Variants in RSBN1 observed in about 807,000 individuals in gnomAD.
RSBN1 encodes the protein round spermatid basic protein 1.
RSBN1 carries 23 observed loss-of-function variants against 74.8 expected under a neutral mutation model. That is an observed-to-expected ratio of 0.31 (90% CI 0.22 to 0.44). The LOEUF is 0.44. Among genes scored for constraint, RSBN1 ranks in the 20% least tolerant of loss-of-function variants. The probability of loss-of-function intolerance (pLI) is 1.00; values close to 1 mark genes in which losing one functional copy is unlikely to be tolerated. For synonymous variants in RSBN1, 407 were observed against 379.6 expected, an observed-to-expected ratio of 1.07 and a Z score of -0.84; for missense variants, 808 against 1,020.9, an observed-to-expected ratio of 0.79 and a Z score of 2.84.
Position 113,807,802 on chromosome 1 carries a change from C to T in RSBN1, c.703+3908G>A, listed in dbSNP as rs201210096. ...ATATATATATATATGTATATGTATA[C>T]ACACACACACACACACACACACACA... On this transcript the variant is annotated intron_variant, in intron 1 of 6. Coordinates refer to ENST00000261441, the MANE Select transcript of RSBN1 (RefSeq NM_018364.5). Among the ~76,000 whole-genome samples the T allele has an allele frequency of 1.6e-3, 99 of 62,042 alleles. 4 individuals are homozygous for T. In the South Asian group the frequency reaches 0.07, roughly 44 times the overall value. 40.7% of individuals were successfully genotyped at this position (62,042 alleles called of 152,430 possible).
chr1:113,766,531 C>G, intron 6 of RSBN1, 78 bp from the exon 7 acceptor site: 5 of 887,166 alleles, frequency 5.6e-6, no homozygotes, highest in Non-Finnish European at 8.6e-6. Flanking sequence ...CAAAGGAAAA[C>G]AGTAGAAACA....
At position 113,762,550 on chromosome 1, in the gene RSBN1, A is replaced by G; in HGVS notation, c.*3430T>C. On this transcript the variant is annotated 3_prime_UTR_variant, in exon 7 of 7. Transcript: ENST00000261441. ...TTTTTTAAAAACCTGTAGCAATGATAAAACAGATTAGAAAGATACAAAATT... is the reference window on the plus strand; with the variant it reads ...TTTTTTAAAAACCTGTAGCAATGATGAAACAGATTAGAAAGATACAAAATT... 6.5e-6 allele frequency: 1 copy of G among 152,792 alleles called. No homozygotes were observed. The highest frequency in any genetic ancestry group is 2.1e-4 in the South Asian group (1 of 4,836). The allele number at this position is 152,792 out of a possible 1,614,324, so 9.5% of individuals were successfully genotyped here.
At chr1:113,797,287 T>A in intron 2 of RSBN1, 76 bp downstream of exon 2, 1 of 1,144,912 alleles carries the variant, frequency 8.7e-7, no homozygotes, top group South Asian at 1.5e-5. Flanking sequence ...TGTGCTGGTA[T>A]GTGCTGTGCG....
Position 113,812,361 on chromosome 1 carries a change from G to GTC in RSBN1, c.50_51dup (p.Leu18AspfsTer42). 6.2e-7 allele frequency: 1 copy of GTC among 1,603,340 alleles called. No individual in the cohort carries two copies. Among genetic ancestry groups the GTC allele is most frequent in the Non-Finnish European group, 8.5e-7 (1 of 1,179,420 alleles). On this transcript the variant is annotated frameshift_variant, in exon 1 of 7. Coordinates refer to ENST00000261441, the MANE Select transcript of RSBN1 (RefSeq NM_018364.5). LOFTEE classifies it high-confidence loss of function. ...CGCGCACTGCCCGCTGGGCATTGGAGTCTCTCCTCCGCCCTCCACTTGTCG... is the reference window on the plus strand; with the variant it reads ...CGCGCACTGCCCGCTGGGCATTGGAGTCTCTCTCCTCCGCCCTCCACTTGTCG...
At chr1:113,797,197 T>A (rs1185699255) in intron 2 of RSBN1, among the ~76,000 whole-genome samples, 166 bp downstream of exon 2, 1 of 152,118 alleles carries the variant, frequency 6.6e-6, no homozygotes, top group African/African-American at 2.4e-5. Flanking sequence ...CCACCCGAAC[T>A]CAGTAATTAA....
At chr1:113,768,500 T>A in intron 4 of RSBN1, 111 bp from the exon 5 acceptor site, 1 of 690,966 alleles carries the variant, frequency 1.4e-6, no homozygotes. Context: ...CAGATTTAAA[T>A]AAGATGAGGA....
At position 113,812,218 on chromosome 1, in the gene RSBN1, C is replaced by T; in HGVS notation, c.195G>A (p.Gln65=). Reference sequence around the variant, plus strand: ...CCTTCCCCTCTTTGTCCGGCTCCTCCTGCGCCGCCACCGCCCGTACTACGC... The same window carrying T: ...CCTTCCCCTCTTTGTCCGGCTCCTCTTGCGCCGCCACCGCCCGTACTACGC... ...AVRVVRAVAA[Q]EEPDKEGKEK... The change falls in exon 1 of 7, where the codon CAG becomes CAA. Residue 65 remains glutamine (Q), a synonymous_variant. Transcript: ENST00000261441. 1.9e-6 allele frequency: 3 copies of T among 1,607,378 alleles called. No individual in the cohort carries two copies. Among genetic ancestry groups the T allele is most frequent in the Non-Finnish European group, 2.5e-6 (3 of 1,179,890 alleles).
At chr1:113,778,182 T>C (rs1017374690) in intron 2 of RSBN1, among the ~76,000 whole-genome samples, 1 of 152,054 alleles carries the variant, frequency 6.6e-6, no homozygotes, top group Non-Finnish European at 1.5e-5. Flanking sequence ...AAAAAGACCA[T>C]AGTCATATTA....
chr1:113,811,768 G>A lies in RSBN1; in HGVS notation c.645C>T (p.Asp215=). The change falls in exon 1 of 7, where the codon GAC becomes GAT. Residue 215 remains aspartate (D), a synonymous_variant. Coordinates refer to ENST00000261441, the MANE Select transcript of RSBN1 (RefSeq NM_018364.5). The part of the protein sequence containing the change: ...SSCGTDLKHK[D]KQENGERTGG... Reference sequence around the variant, plus strand: ...CAGTCCTCTCGCCGTTTTCCTGCTTGTCCTTGTGCTTGAGATCGGTTCCGC... The same window carrying A: ...CAGTCCTCTCGCCGTTTTCCTGCTTATCCTTGTGCTTGAGATCGGTTCCGC... 1 of 1,613,594 alleles carries A rather than the reference G, an allele frequency of 6.2e-7. No homozygotes were observed. Among genetic ancestry groups the A allele is most frequent in the East Asian group, 2.2e-5 (1 of 44,796 alleles).
intron 1 of RSBN1, among the ~76,000 whole-genome samples, chr1:113,804,796 G>A (rs1350676813): frequency 1.3e-5 from 2 of 151,610 alleles, no homozygotes; most frequent in African/African-American, 4.9e-5. Context: ...TCAAAAAGAA[G>A]TGTTTCTGGA....
At chr1:113,781,347 C>T (rs1005015762) in intron 2 of RSBN1, among the ~76,000 whole-genome samples, 7 of 152,168 alleles carry the variant, frequency 4.6e-5, no homozygotes, top group African/African-American at 1.4e-4. Flanking sequence ...CATACCACTC[C>T]CCTGAAACAA....
intron 1 of RSBN1, among the ~76,000 whole-genome samples, chr1:113,798,444 G>A (rs1212552165): frequency 1.3e-5 from 2 of 151,976 alleles, no homozygotes; most frequent in African/African-American, 2.4e-5. Context: ...ATTTAAGCTA[G>A]GCATATTTTG....
At position 113,797,741 on chromosome 1, in the gene RSBN1, T is replaced by C. The variant is rs747474621; in HGVS notation, c.999A>G (p.Val333=). 6 of 1,614,148 alleles carry C rather than the reference T, an allele frequency of 3.7e-6. No individual in the cohort carries two copies. The Admixed American group carries it at 8.3e-5, about 22-fold the overall frequency. Residue 333 remains valine, a synonymous_variant, in exon 2 of 7, where the codon GTA becomes GTG. Transcript: ENST00000261441. ...GMQEYRVPQG[V]QTPFMTHQEH... Reference sequence around the variant, plus strand: ...CCTGGTGAGTCATAAAAGGTGTTTGTACTCCCTGGGGTACCCGATATTCTT... The same window carrying C: ...CCTGGTGAGTCATAAAAGGTGTTTGCACTCCCTGGGGTACCCGATATTCTT...
At position 113,765,080 on chromosome 1, in the gene RSBN1, T is replaced by A. The variant is rs576954298; in HGVS notation, c.*900A>T. 6.6e-6 allele frequency: 1 copy of A among 152,304 alleles called. No homozygotes were observed. Among genetic ancestry groups the A allele is most frequent in the Non-Finnish European group, 1.5e-5 (1 of 68,006 alleles). 9.4% of individuals were successfully genotyped at this position (152,304 alleles called of 1,614,324 possible). A position where few individuals can be genotyped will look rare whatever the true frequency, so the allele number is the denominator to read the frequency against. ...GCCAAGTGACAAGAATAGTTTATCA[T>A]AAGATTGATGCTCAAAATATGGCAG... is the stretch of plus-strand genomic sequence containing the variant. On this transcript the variant is annotated 3_prime_UTR_variant, in exon 7 of 7. Transcript: ENST00000261441.
chr1:113,793,839 G>T (rs1310264513), intron 2 of RSBN1, among the ~76,000 whole-genome samples: 1 of 151,992 alleles, frequency 6.6e-6, no homozygotes, highest in Non-Finnish European at 1.5e-5. Flanking sequence ...GCTAATTTTT[G>T]AATTTTTAGT....
intron 2 of RSBN1, among the ~76,000 whole-genome samples, chr1:113,784,458 G>C (rs1243159464): frequency 6.6e-6 from 1 of 152,142 alleles, no homozygotes; most frequent in African/African-American, 2.4e-5. Context: ...TTTGGCATGA[G>C]GGACTGGTTT....
Position 113,766,730 on chromosome 1 carries a change from A to C in RSBN1, c.1936-277T>G, listed in dbSNP as rs563388003. On this transcript the variant is annotated intron_variant, in intron 6 of 6. Coordinates refer to ENST00000261441, the MANE Select transcript of RSBN1 (RefSeq NM_018364.5). ...GTATTTCAAAGTACAGCTAAGTATC[A>C]ATATTCTTTACCACACATAAAGGCA... Among the ~76,000 whole-genome samples the C allele has an allele frequency of 3.9e-5, 6 of 152,306 alleles. No individual in the cohort carries two copies. In the East Asian group the frequency reaches 7.7e-4, roughly 20 times the overall value.
At chr1:113,789,971 A>C (rs894131689) in intron 2 of RSBN1, among the ~76,000 whole-genome samples, 17 of 152,226 alleles carry the variant, frequency 1.1e-4, no homozygotes, top group Admixed American at 7.9e-4. Flanking sequence ...ATACAAAGGT[A>C]CAAGTATTGT....
intron 4 of RSBN1, among the ~76,000 whole-genome samples, chr1:113,769,387 T>C (rs896963501): frequency 2.0e-5 from 3 of 151,976 alleles, no homozygotes; most frequent in Admixed American, 2.0e-4. Flanking sequence ...GGCATCCATG[T>C]TATCTCCTTC....
Sources: gnomAD v4.1 joint callset for allele counts (sites outside exome capture counted in the v4.1 genomes callset) on GRCh38, gnomAD v4.1.1 for gene constraint, MANE v1.5 for transcripts, NCBI Gene and HGNC (gene_info 2026-07-23, HGNC 2026-07-21) for gene names.